The following RBMS3 variants were observed in gnomAD, a reference collection of about 807,000 sequenced individuals.
The protein encoded by RBMS3 is RNA-binding motif, single-stranded-interacting protein 3.
Under a neutral mutation model 66.8 loss-of-function variants are expected in RBMS3, and 27 were observed. That is an observed-to-expected ratio of 0.40 (90% CI 0.30 to 0.56). The LOEUF is 0.56. RBMS3 is among the 20% of genes least tolerant of loss of function. The pLI, the probability that RBMS3 is intolerant of heterozygous loss-of-function variation, is 0.40. For missense variants in RBMS3, 513 were observed against 549.5 expected (o/e 0.93, Z 0.66); for synonymous variants, 188 against 183.0 (o/e 1.03, Z -0.22).
At chr3:29,473,583 C>T (rs115268008) in intron 2 of RBMS3, among the ~76,000 whole-genome samples, 3,401 of 152,286 alleles carry the variant, frequency 0.022, 134 homozygotes, top group African/African-American at 0.078. Context: ...GGCTCGGGTG[C>T]ACAGGAGCCC....
chr3:29,999,656 G>C (rs1254826982), intron 14 of RBMS3, among the ~76,000 whole-genome samples: 1 of 151,866 alleles, frequency 6.6e-6, no homozygotes, highest in African/African-American at 2.4e-5. Flanking sequence ...ACTATCACAA[G>C]GACAAAAAAC....
chr3:29,524,617 T>C (rs574170734), intron 3 of RBMS3, among the ~76,000 whole-genome samples: 1 of 151,544 alleles, frequency 6.6e-6, no homozygotes, highest in African/African-American at 2.4e-5. Flanking sequence ...ATTTATTTAT[T>C]TTTTTTAGTA....
chr3:29,787,732 C>T (rs78748121), intron 6 of RBMS3, among the ~76,000 whole-genome samples: 14,566 of 152,064 alleles, frequency 0.096, 771 homozygotes, highest in East Asian at 0.15. Flanking sequence ...ACACTGAGTA[C>T]AGCATATGCT....
chr3:29,317,586 C>G (rs1201964319), intron 1 of RBMS3, among the ~76,000 whole-genome samples: 4 of 151,212 alleles, frequency 2.6e-5, no homozygotes, highest in Admixed American at 2.0e-4. Flanking sequence ...TATACACACA[C>G]AGAAATACAT....
chr3:29,815,805 T>A (rs1415714461), intron 6 of RBMS3, among the ~76,000 whole-genome samples: 1 of 151,576 alleles, frequency 6.6e-6, no homozygotes, highest in African/African-American at 2.4e-5. Context: ...TGGGAGGGGG[T>A]AAGGGATAAA....
intron 4 of RBMS3, among the ~76,000 whole-genome samples, chr3:29,608,683 G>A (rs1319019813): frequency 6.6e-6 from 1 of 151,950 alleles, no homozygotes; most frequent in Non-Finnish European, 1.5e-5. Flanking sequence ...ATATAGTCAA[G>A]GTAAAAATGA....
At chr3:29,715,506 C>A (rs1356999684) in intron 4 of RBMS3, among the ~76,000 whole-genome samples, 1 of 152,106 alleles carries the variant, frequency 6.6e-6, no homozygotes, top group East Asian at 1.9e-4. Flanking sequence ...TTAAATATAT[C>A]TACTGTTAGT....
At chr3:29,937,468 A>G (rs1310596169) in intron 11 of RBMS3, among the ~76,000 whole-genome samples, 1 of 152,074 alleles carries the variant, frequency 6.6e-6, no homozygotes, top group African/African-American at 2.4e-5. Flanking sequence ...TGGCATGTCC[A>G]CTGAGAACTC....
rs543203513 is a variant in RBMS3 at position 29,943,325 on chromosome 3, C to T, written c.1051-882C>T. 4.6e-5 allele frequency among the ~76,000 whole-genome samples: 7 copies of T among 151,922 alleles called. No homozygotes were observed. The South Asian group carries it at 1.4e-3, about 31-fold the overall frequency. On this transcript the variant is annotated intron_variant, in intron 11 of 14. Coordinates refer to ENST00000383767, the MANE Select transcript of RBMS3 (RefSeq NM_001003793.3). ...CAAGTTTCTTTTAGAGTTTACCCCT[C>T]CAAGGGGAGTGGGGACAAAATTAGA...
At chr3:29,811,058 C>T (rs919489376) in intron 6 of RBMS3, among the ~76,000 whole-genome samples, 1 of 152,062 alleles carries the variant, frequency 6.6e-6, no homozygotes, top group Non-Finnish European at 1.5e-5. Context: ...TTCTTTCTCT[C>T]TTTTAAGTCT....
intron 1 of RBMS3, among the ~76,000 whole-genome samples, chr3:29,338,693 C>T (rs2036100890): frequency 1.0e-5 from 1 of 95,494 alleles, no homozygotes; most frequent in Admixed American, 1.0e-4. Context: ...CTCCTCTCCT[C>T]TCCTCCTCCT....
intron 4 of RBMS3, among the ~76,000 whole-genome samples, chr3:29,587,412 A>G (rs1304401646): frequency 6.6e-6 from 1 of 151,678 alleles, no homozygotes; most frequent in Non-Finnish European, 1.5e-5. Context: ...AAGAAACTCC[A>G]CATTAGGTTT....
intron 7 of RBMS3, among the ~76,000 whole-genome samples, chr3:29,877,097 T>C (rs915568684): frequency 6.6e-6 from 1 of 152,196 alleles, no homozygotes; most frequent in African/African-American, 2.4e-5. Flanking sequence ...AAGAAGGCAG[T>C]AATCATGCAT....
intron 1 of RBMS3, among the ~76,000 whole-genome samples, chr3:29,378,386 G>T (rs2038589103): frequency 6.6e-6 from 1 of 151,884 alleles, no homozygotes; most frequent in Admixed American, 6.6e-5. Flanking sequence ...GCAGGAGAAT[G>T]GCATGAAACC....
At chr3:29,708,241 A>T (rs2052999807) in intron 4 of RBMS3, among the ~76,000 whole-genome samples, 2 of 152,212 alleles carry the variant, frequency 1.3e-5, no homozygotes, top group African/African-American at 4.8e-5. Context: ...ATTGAAGATG[A>T]CTTTCACTAC....
chr3:29,703,730 G>A (rs1011397290), intron 4 of RBMS3, among the ~76,000 whole-genome samples: 5 of 152,146 alleles, frequency 3.3e-5, no homozygotes, highest in Admixed American at 2.6e-4. Flanking sequence ...TTCTTATTGT[G>A]AAAGACCTGT....
At position 29,434,036 on chromosome 3, in the gene RBMS3, C is replaced by T. The variant is rs1160475516; in HGVS notation, c.76-707C>T. ...CAGTGAACAAGGACAGTGCCCACAA[C>T]AAATAATTATCCTGTCCAGATGGTT... is the stretch of plus-strand genomic sequence containing the variant. On this transcript the variant is annotated intron_variant, in intron 1 of 14. Coordinates refer to ENST00000383767, the MANE Select transcript of RBMS3 (RefSeq NM_001003793.3). Among the ~76,000 whole-genome samples the T allele has an allele frequency of 2.0e-5, 3 of 152,112 alleles. No individual in the cohort carries two copies. In the East Asian group the frequency reaches 5.8e-4, roughly 29 times the overall value.
intron 1 of RBMS3, among the ~76,000 whole-genome samples, chr3:29,291,079 A>C (rs1374145752): frequency 6.6e-6 from 1 of 151,988 alleles, no homozygotes; most frequent in Non-Finnish European, 1.5e-5. Flanking sequence ...TTTCAGGTAC[A>C]AAGAGATTAT....
chr3:29,467,429 C>T (rs921314822), intron 2 of RBMS3, among the ~76,000 whole-genome samples: 1 of 152,142 alleles, frequency 6.6e-6, no homozygotes, highest in African/African-American at 2.4e-5. Flanking sequence ...TGCTTACATA[C>T]ATATGTGTGT....
Sources: gnomAD v4.1 joint callset for allele counts (sites outside exome capture counted in the v4.1 genomes callset) on GRCh38, gnomAD v4.1.1 for gene constraint, MANE v1.5 for transcripts, NCBI Gene and HGNC (gene_info 2026-07-23, HGNC 2026-07-21) for gene names.